The following PALM2AKAP2 variants were observed in gnomAD, a reference collection of about 807,000 sequenced individuals.
PALM2AKAP2 encodes PALM2 and AKAP2 fusion.
In PALM2AKAP2, 37 loss-of-function variants were observed where a neutral mutation model predicts 71.5. The observed-to-expected ratio is 0.52, with a 90% CI of 0.40 to 0.68. The LOEUF is 0.68. PALM2AKAP2 is among the 30% of genes least tolerant of loss of function. The pLI, the probability that PALM2AKAP2 is intolerant of heterozygous loss-of-function variation, is 0.00. For synonymous variants in PALM2AKAP2, 468 were observed against 478.8 expected (o/e 0.98, Z 0.29); for missense variants, 1,224 against 1,191.8 (o/e 1.03, Z -0.40).
At chr9:109,924,734 T>C (rs1220631478) in intron 4 of PALM2AKAP2, among the ~76,000 whole-genome samples, 1 of 152,236 alleles carries the variant, frequency 6.6e-6, no homozygotes, top group African/African-American at 2.4e-5. Context: ...TAACTGTTTC[T>C]GCTGTACCTA....
chr9:110,060,683 C>A (rs1365266011), intron 1 of PALM2AKAP2, among the ~76,000 whole-genome samples: 1 of 152,132 alleles, frequency 6.6e-6, no homozygotes, highest in Admixed American at 6.5e-5. Flanking sequence ...CTCACTGCAA[C>A]CTCCGCCTCC....
At chr9:109,823,645 A>T (rs1828068527) in intron 1 of PALM2AKAP2, among the ~76,000 whole-genome samples, 1 of 152,088 alleles carries the variant, frequency 6.6e-6, no homozygotes, top group Non-Finnish European at 1.5e-5. Flanking sequence ...ACCATGTTCA[A>T]CCTGCCTGCC....
At chr9:109,765,770 G>A (rs972446640) in intron 1 of PALM2AKAP2, among the ~76,000 whole-genome samples, 3 of 152,206 alleles carry the variant, frequency 2.0e-5, no homozygotes, top group African/African-American at 4.8e-5. Flanking sequence ...GTCTCAGGGT[G>A]TTGATAATCT....
chr9:109,847,440 G>T (rs777242635), intron 1 of PALM2AKAP2, among the ~76,000 whole-genome samples: 3 of 152,136 alleles, frequency 2.0e-5, no homozygotes. Context: ...AACTGTGAGA[G>T]AATAAATATC....
At chr9:109,657,413 G>A (rs1375758433) in intron 1 of PALM2AKAP2, among the ~76,000 whole-genome samples, 2 of 151,148 alleles carry the variant, frequency 1.3e-5, no homozygotes, top group East Asian at 3.9e-4. Context: ...GTTTAGTGTG[G>A]TGGCTTTATG....
chr9:110,003,884 A>G (rs1832727554), intron 6 of PALM2AKAP2, among the ~76,000 whole-genome samples: 1 of 152,122 alleles, frequency 6.6e-6, no homozygotes, highest in African/African-American at 2.4e-5. Context: ...TTTCCTTGGT[A>G]GATCTTCCCC....
intron 1 of PALM2AKAP2, among the ~76,000 whole-genome samples, chr9:109,707,931 T>A (rs1249654794): frequency 6.6e-6 from 1 of 152,170 alleles, no homozygotes; most frequent in Non-Finnish European, 1.5e-5. Flanking sequence ...CTCATTGAAA[T>A]GAATAGCTTG....
chr9:109,926,206 C>G (rs765862666), intron 5 of PALM2AKAP2, among the ~76,000 whole-genome samples: 1 of 152,130 alleles, frequency 6.6e-6, no homozygotes, highest in Non-Finnish European at 1.5e-5. Context: ...CTGGATTAGT[C>G]AAAGGTATTT....
intron 3 of PALM2AKAP2, among the ~76,000 whole-genome samples, chr9:109,907,857 G>T (rs1830483172): frequency 1.3e-5 from 2 of 152,166 alleles, no homozygotes; most frequent in South Asian, 4.1e-4. Context: ...GGATCAGTTG[G>T]AAGCCTCCCA....
intron 2 of PALM2AKAP2, among the ~76,000 whole-genome samples, chr9:110,144,044 A>G (rs1041517620): frequency 2.0e-5 from 3 of 152,234 alleles, no homozygotes; most frequent in African/African-American, 4.8e-5. Flanking sequence ...ATCACAAAGG[A>G]AAGTCTTAGG....
intron 6 of PALM2AKAP2, among the ~76,000 whole-genome samples, chr9:109,998,194 T>A (rs1490674380): frequency 6.6e-6 from 1 of 152,208 alleles, no homozygotes; most frequent in Non-Finnish European, 1.5e-5. Context: ...TGATATGATT[T>A]TGTCCAGGAA....
chr9:109,937,284 C>T (rs1024858962), intron 6 of PALM2AKAP2, among the ~76,000 whole-genome samples: 12 of 152,208 alleles, frequency 7.9e-5, no homozygotes, highest in African/African-American at 2.2e-4. Context: ...CCTCACACTC[C>T]GCTCCACACC....
upstream of PALM2AKAP2, chr9:109,780,410 G>A (rs1829422616): frequency 3.7e-6 from 6 of 1,611,016 alleles, no homozygotes; most frequent in Admixed American, 3.3e-5. Context: ...GCCCCCCGGG[G>A]TGCCCATCAG....
At chr9:109,823,221 C>G (rs1051422880) in intron 1 of PALM2AKAP2, among the ~76,000 whole-genome samples, 1 of 152,158 alleles carries the variant, frequency 6.6e-6, no homozygotes, top group Non-Finnish European at 1.5e-5. Context: ...TCTACACACA[C>G]AGACACATGC....
intron 6 of PALM2AKAP2, among the ~76,000 whole-genome samples, chr9:110,007,532 A>G (rs76666400): frequency 0.018 from 2,815 of 152,320 alleles, 97 homozygotes; most frequent in African/African-American, 0.064. Context: ...TCTGTTCCTA[A>G]GCTGGAACTT....
chr9:109,864,859 C>G lies in PALM2AKAP2; in HGVS notation c.46-2632C>G, dbSNP rs189971205. Among the ~76,000 whole-genome samples, 6 of 152,230 alleles carry G rather than the reference C, an allele frequency of 3.9e-5. No individual in the cohort carries two copies. The East Asian group carries it at 9.7e-4, about 24-fold the overall frequency. The stretch of plus-strand genomic sequence containing the variant: ...ACCATATCATTCTGTAGCTTAGAAC[C>G]CTGCAATGACATTGCATTGTCCATG... On this transcript the variant is annotated intron_variant, in intron 1 of 9. Transcript: ENST00000302798.
intron 6 of PALM2AKAP2, among the ~76,000 whole-genome samples, chr9:109,941,382 A>G (rs1831362246): frequency 6.6e-6 from 1 of 152,164 alleles, no homozygotes; most frequent in Non-Finnish European, 1.5e-5. Flanking sequence ...AATGGTGGTG[A>G]GGAGATGGAT....
At chr9:109,694,048 G>A (rs1011042171) in intron 1 of PALM2AKAP2, among the ~76,000 whole-genome samples, 1 of 151,540 alleles carries the variant, frequency 6.6e-6, no homozygotes, top group African/African-American at 2.4e-5. Flanking sequence ...CTTCCCCACC[G>A]TACAATTGGA....
intron 1 of PALM2AKAP2, among the ~76,000 whole-genome samples, chr9:109,722,217 C>A (rs1828416361): frequency 6.6e-6 from 1 of 152,170 alleles, no homozygotes; most frequent in Non-Finnish European, 1.5e-5. Flanking sequence ...TATTTATATA[C>A]TGATGATAAT....
Sources: gnomAD v4.1 joint callset for allele counts (sites outside exome capture counted in the v4.1 genomes callset) on GRCh38, gnomAD v4.1.1 for gene constraint, MANE v1.5 for transcripts, NCBI Gene and HGNC (gene_info 2026-07-23, HGNC 2026-07-21) for gene names.